The following NXF3 variants were observed in gnomAD, a reference collection of about 807,000 sequenced individuals.
The protein encoded by NXF3 is TAP-like protein 3.
NXF3 carries 34 observed loss-of-function variants against 48.4 expected under a neutral mutation model. That is an observed-to-expected ratio of 0.70 (90% confidence interval 0.53 to 0.93). The LOEUF (loss-of-function observed/expected upper bound fraction) is 0.93. Ranked by LOEUF, NXF3 falls within the 40% of genes least tolerant of loss-of-function variation. The pLI is 0.00. For missense variants in NXF3, 359 were observed against 406.1 expected (o/e 0.88, Z 1.00); for synonymous variants, 132 against 145.7 (o/e 0.91, Z 0.68).
chrX:103,076,806 T>C (rs1418966367), intron 18 of NXF3, among the ~76,000 whole-genome samples: 1 of 100,358 alleles, frequency 1.0e-5, no homozygotes, highest in Admixed American at 1.1e-4. Flanking sequence ...CTCTATGTCA[T>C]CTTATATAAA....
At chrX:103,082,407 G>A in intron 8 of NXF3, 43 bp from the exon 9 acceptor site, 1 of 943,361 alleles carries the variant, frequency 1.1e-6, no homozygotes, top group African/African-American at 1.9e-5. Flanking sequence ...GGAAAGAGCA[G>A]CTGGAGGGCC....
At position 103,078,585 on chromosome X, in the gene NXF3, T is replaced by C. The variant is rs199812348; in HGVS notation, c.1426A>G (p.Ile476Val). The stretch of plus-strand genomic sequence containing the variant: ...CTGGAACTGCTGCCAGGGGTAGCAA[T>C]GAAGGTCCGGGTGAAGGCGAGAACA... ...GSVLAFTRTF[I>V]ATPGSSSSLC... is the part of the protein sequence containing the mutation. Residue 476 changes from isoleucine (I) to valine (V), a missense_variant, in exon 17 of 20, where the codon ATT becomes GTT. Physicochemically the swap from Ile to Val is conservative, Grantham distance 29. Transcript: ENST00000395065. 4 of 1,210,412 alleles carry C rather than the reference T, an allele frequency of 3.3e-6. No homozygotes were observed. The Admixed American group carries it at 8.7e-5, about 26-fold the overall frequency.
chrX:103,076,367 G>T lies in NXF3; in HGVS notation c.1585-66C>A, dbSNP rs758647533. ...AGTGCAGACACTCTGACAATACAAT[G>T]CCATTTCTTAATCTATGCAACAGAA... On this transcript the variant is annotated intron_variant, in intron 18 of 19. Coordinates refer to ENST00000395065, the MANE Select transcript of NXF3 (RefSeq NM_022052.2). 19 of 1,068,758 alleles carry T rather than the reference G, an allele frequency of 1.8e-5. No individual in the cohort carries two copies. The South Asian group carries it at 3.4e-4, about 19-fold the overall frequency. The allele number at this position is 1,068,758 out of a possible 1,213,427, so 88.1% of individuals were successfully genotyped here. A position where few individuals can be genotyped will look rare whatever the true frequency, so the allele number is the denominator to read the frequency against.
intron 3 of NXF3, 110 bp downstream of exon 3, chrX:103,084,232 A>G: frequency 1.1e-6 from 1 of 888,260 alleles, no homozygotes; most frequent in East Asian, 3.1e-5. Flanking sequence ...AATAAAGGAC[A>G]GATTACATAC....
In NXF3 at chrX:103,083,202, C is replaced by G. The variant is rs1251079018; in HGVS notation, c.612G>C (p.Glu204Asp). 1 of 1,211,046 alleles carries G rather than the reference C, an allele frequency of 8.3e-7. No homozygotes were observed. ...VHRELKSEKV[E>D]QIKLAMNQQC... ...CATGAGTCTGTGTTACCTTTATCTGCTCCACCTTTTCTGACTTCAGCTCCC... is the reference window on the plus strand; with the variant it reads ...CATGAGTCTGTGTTACCTTTATCTGGTCCACCTTTTCTGACTTCAGCTCCC... Residue 204 changes from glutamate (E) to aspartate (D), a missense_variant, in exon 6 of 20, where the codon GAG becomes GAC. Coordinates refer to ENST00000395065, the MANE Select transcript of NXF3 (RefSeq NM_022052.2).
chrX:103,078,613 A>G lies in NXF3; in HGVS notation c.1398T>C (p.Gly466=), dbSNP rs769644388. The G allele has an allele frequency of 4.1e-6, 5 of 1,211,716 alleles. No homozygotes were observed. The South Asian group carries it at 8.8e-5, about 21-fold the overall frequency. ...VFKEVEGQSQ[G]SVLAFTRTFI... is the part of the protein sequence containing the mutation. ...AGGTCCGGGTGAAGGCGAGAACAGAACCCTGAGACTGTCCTTCCACTTCAA... is the reference window on the plus strand; with the variant it reads ...AGGTCCGGGTGAAGGCGAGAACAGAGCCCTGAGACTGTCCTTCCACTTCAA... Residue 466 remains glycine, a synonymous_variant, in exon 17 of 20, where the codon GGT becomes GGC. Coordinates refer to ENST00000395065, the MANE Select transcript of NXF3 (RefSeq NM_022052.2).
chrX:103,080,320 G>A, intron 10 of NXF3, 104 bp from the exon 11 acceptor site: 1 of 854,125 alleles, frequency 1.2e-6, no homozygotes, highest in South Asian at 2.3e-5. Flanking sequence ...AATCAGGTGT[G>A]AAAGCGTTCT....
intron 1 of NXF3, among the ~76,000 whole-genome samples, chrX:103,090,684 G>T (rs1282496981): frequency 9.0e-6 from 1 of 111,533 alleles, no homozygotes; most frequent in Non-Finnish European, 1.9e-5. Flanking sequence ...TTGGGGCAGG[G>T]GGAGGCGGGA....
chrX:103,091,711 C>T (rs930560628), intron 1 of NXF3, among the ~76,000 whole-genome samples: 7 of 110,649 alleles, frequency 6.3e-5, no homozygotes, highest in Non-Finnish European at 1.3e-4. Context: ...TTAGGCCAGG[C>T]GCGGTGGCTC....
Position 103,084,898 on chromosome X carries a change from A to G in NXF3, c.29-15T>C. 8.4e-7 allele frequency: 1 copy of G among 1,195,811 alleles called. No individual in the cohort carries two copies. The highest frequency in any genetic ancestry group is 1.8e-5 in the South Asian group (1 of 56,070). On this transcript the variant is annotated splice_polypyrimidine_tract_variant and intron_variant, in intron 1 of 19. Transcript: ENST00000395065. Reference sequence around the variant, plus strand: ...ATCAGTGTGACCTTAAATTAAGAACAGCACATCAACACTTAGAATACCAGA... The same window carrying G: ...ATCAGTGTGACCTTAAATTAAGAACGGCACATCAACACTTAGAATACCAGA...
At chrX:103,091,568 TG>T (rs1327475427) in intron 1 of NXF3, among the ~76,000 whole-genome samples, 4 of 98,181 alleles carry the variant, frequency 4.1e-5, no homozygotes, top group Non-Finnish European at 8.2e-5. Context: ...TATCTGTGGG[TG>T]GGCAGGGTAG....
rs1391458709 is a variant in NXF3, at chrX:103,082,937, C to T, written c.691+67G>A. ...ACTAACCCCTCCCCAAGTTGCCAAC[C>T]GTAAGTCTCCATCTCACACAGACAC... is the stretch of plus-strand genomic sequence containing the variant. On this transcript the variant is annotated intron_variant, in intron 7 of 19. Coordinates refer to ENST00000395065, the MANE Select transcript of NXF3 (RefSeq NM_022052.2). The T allele has an allele frequency of 1.4e-5, 16 of 1,146,760 alleles. No homozygotes were observed. The East Asian group carries it at 3.3e-4, about 24-fold the overall frequency. 94.5% of individuals were successfully genotyped at this position (1,146,760 alleles called of 1,213,427 possible).
At chrX:103,076,617 G>T (rs1264295897) in intron 18 of NXF3, among the ~76,000 whole-genome samples, 1 of 110,792 alleles carries the variant, frequency 9.0e-6, no homozygotes, top group African/African-American at 3.3e-5. Flanking sequence ...AAAGCTACAC[G>T]CCTCCCCCAT....
At chrX:103,079,317 C>G (rs1921949237) in intron 15 of NXF3, 42 bp downstream of exon 15, 2 of 1,208,726 alleles carry the variant, frequency 1.7e-6, no homozygotes, top group African/African-American at 3.5e-5. Flanking sequence ...CTACCCACCT[C>G]TGGCTTTCTG....
At chrX:103,089,796 T>C (rs1489366992) in intron 1 of NXF3, among the ~76,000 whole-genome samples, 1 of 112,310 alleles carries the variant, frequency 8.9e-6, no homozygotes, top group African/African-American at 3.2e-5. Flanking sequence ...ACAGAGGCAC[T>C]AAAGGTGAAA....
At chrX:103,086,328 G>C (rs750498690) in intron 1 of NXF3, among the ~76,000 whole-genome samples, 1 of 110,469 alleles carries the variant, frequency 9.1e-6, no homozygotes, top group Non-Finnish European at 1.9e-5. Context: ...GGAGAATGGC[G>C]TGGACCCGGG....
chrX:103,092,914 G>T, intron 1 of NXF3, 82 bp downstream of exon 1: 1 of 971,691 alleles, frequency 1.0e-6, no homozygotes, highest in Non-Finnish European at 1.5e-6. Flanking sequence ...GTGTTATGTG[G>T]GTTAGGGTAA....
intron 1 of NXF3, chrX:103,088,537 A>T: frequency 9.1e-7 from 1 of 1,102,080 alleles, no homozygotes; most frequent in East Asian, 3.0e-5. Flanking sequence ...TCTGTGGCTC[A>T]TCAGGTGAGG....
In NXF3 at chrX:103,089,101, G is replaced by A; in HGVS notation, c.28+3895C>T. 7 of 940,517 alleles carry A rather than the reference G, an allele frequency of 7.4e-6. No homozygotes were observed. In the South Asian group the frequency reaches 9.8e-5, roughly 13 times the overall value. The allele number at this position is 940,517 out of a possible 1,213,427, so 77.5% of individuals were successfully genotyped here. A position where few individuals can be genotyped will look rare whatever the true frequency, so the allele number is the denominator to read the frequency against. ...TACCGACGCAGTGTTTGTGCTAGGA[G>A]TTTCTGATCTCCATCTATACTGGAA... On this transcript the variant is annotated intron_variant, in intron 1 of 19. Coordinates refer to ENST00000395065, the MANE Select transcript of NXF3 (RefSeq NM_022052.2).
Sources: allele counts gnomAD v4.1 joint callset (sites outside exome capture counted in the v4.1 genomes callset), GRCh38; gene constraint gnomAD v4.1.1; transcripts MANE v1.5; gene names NCBI Gene and HGNC (gene_info 2026-07-23, HGNC 2026-07-21).